Variants in ASB5 observed in about 807,000 individuals in gnomAD.
ASB5 encodes the protein ankyrin repeat and SOCS box containing 5.
In ASB5, 45 loss-of-function variants were observed where a neutral mutation model predicts 42.1. The ratio of observed to expected loss-of-function variants is 1.07; its 90% CI spans 0.84 to 1.37. ASB5 has a LOEUF of 1.37. Among genes scored for constraint, ASB5 ranks in the 40% most tolerant of loss-of-function variants. ASB5 has a pLI of 0.00. For synonymous variants in ASB5, 147 were observed against 150.6 expected, an observed-to-expected ratio of 0.98 and a Z score of 0.18; for missense variants, 402 against 399.8, an observed-to-expected ratio of 1.01 and a Z score of -0.05.
chr4:176,237,444 A>G, intron 1 of ASB5: 4 of 985,910 alleles, frequency 4.1e-6, no homozygotes, highest in South Asian at 9.4e-5. Flanking sequence ...TTTGTCTGTG[A>G]CAACCAGGTG....
In ASB5 at chr4:176,214,813, T is replaced by C. The variant is rs1174523931; in HGVS notation, c.*787A>G. 1 of 152,088 alleles carries C rather than the reference T, an allele frequency of 6.6e-6. No homozygotes were observed. The highest frequency in any genetic ancestry group is 1.5e-5 in the Non-Finnish European group (1 of 68,016). The allele number at this position is 152,088 out of a possible 1,614,324, so 9.4% of individuals were successfully genotyped here. A position where few individuals can be genotyped will look rare whatever the true frequency, so the allele number is the denominator to read the frequency against. ...CACTAGCTATTGACAATTTCTGAAATGGAAGAAGGCTGGAGTAATATGCAT... is the reference window on the plus strand; with the variant it reads ...CACTAGCTATTGACAATTTCTGAAACGGAAGAAGGCTGGAGTAATATGCAT... On this transcript the variant is annotated 3_prime_UTR_variant, in exon 7 of 7. Coordinates refer to ENST00000296525, the MANE Select transcript of ASB5 (RefSeq NM_080874.4).
chr4:176,219,446 G>T, intron 5 of ASB5, among the ~76,000 whole-genome samples: 1 of 67,444 alleles, frequency 1.5e-5, no homozygotes, highest in African/African-American at 5.3e-5. Flanking sequence ...ATATATATTT[G>T]TATGATATAT....
chr4:176,216,738 C>T (rs905865375), intron 6 of ASB5, 80 bp downstream of exon 6: 3 of 1,207,394 alleles, frequency 2.5e-6, no homozygotes, highest in African/African-American at 1.5e-5. Flanking sequence ...ACTTTCCATG[C>T]CAACAAAAAC....
In ASB5 at chr4:176,225,250, G is replaced by A. The variant is rs1256173446; in HGVS notation, c.276+12C>T. The A allele has an allele frequency of 1.3e-6, 2 of 1,599,552 alleles. No individual in the cohort carries two copies. The highest frequency in any genetic ancestry group is 3.3e-5 in the Admixed American group (2 of 59,952). On this transcript the variant is annotated intron_variant, in intron 2 of 6. Transcript: ENST00000296525. ...AAAGGGGGTATATTTTAAACTATAT[G>A]TAATATATTACCTGTGATAATAATG... is the stretch of plus-strand genomic sequence containing the variant.
intron 1 of ASB5, among the ~76,000 whole-genome samples, chr4:176,244,163 TC>T (rs1560814645): frequency 6.6e-6 from 1 of 152,202 alleles, no homozygotes; most frequent in Non-Finnish European, 1.5e-5. Flanking sequence ...TCGCTTCTAC[TC>T]TGAATGGTAT....
upstream of ASB5, among the ~76,000 whole-genome samples, chr4:176,272,032 T>A (rs1754478329): frequency 6.6e-6 from 1 of 152,076 alleles, no homozygotes. Flanking sequence ...ATCAGGAACC[T>A]AAATTACTCC....
chr4:176,255,204 A>C (rs1210786175), intron 1 of ASB5, among the ~76,000 whole-genome samples: 1 of 152,218 alleles, frequency 6.6e-6, no homozygotes, highest in African/African-American at 2.4e-5. Flanking sequence ...TGTTATTAAA[A>C]AGAAAAAACA....
chr4:176,262,070 C>T (rs1754276551), intron 1 of ASB5, among the ~76,000 whole-genome samples: 1 of 151,836 alleles, frequency 6.6e-6, no homozygotes, highest in Admixed American at 6.6e-5. Context: ...AAAGCTATAG[C>T]AGTTATGGCA....
intron 5 of ASB5, 80 bp downstream of exon 5, chr4:176,221,075 T>G (rs1037413912): frequency 3.5e-6 from 5 of 1,425,208 alleles, no homozygotes; most frequent in Middle Eastern, 1.8e-4. Flanking sequence ...TGAGATCTAA[T>G]TTTTAAAGAT....
intron 2 of ASB5, among the ~76,000 whole-genome samples, chr4:176,224,625 C>T (rs1270225337): frequency 1.3e-5 from 2 of 152,032 alleles, no homozygotes; most frequent in African/African-American, 4.8e-5. Context: ...CACCTGCCTC[C>T]GCCTCCCAAA....
At chr4:176,223,317 A>G (rs1753277626) in intron 2 of ASB5, among the ~76,000 whole-genome samples, 1 of 152,210 alleles carries the variant, frequency 6.6e-6, no homozygotes, top group African/African-American at 2.4e-5. Flanking sequence ...GATTATCATG[A>G]CAATTAAATG....
intron 1 of ASB5, among the ~76,000 whole-genome samples, chr4:176,259,790 A>G (rs1754223159): frequency 1.3e-5 from 2 of 152,194 alleles, no homozygotes; most frequent in South Asian, 4.1e-4. Flanking sequence ...TTGGTGTTAA[A>G]TTTCAGTTTG....
Position 176,268,953 on chromosome 4 carries a change from T to C in ASB5, c.156A>G (p.Ala52=), listed in dbSNP as rs1560823393. Reference sequence around the variant, plus strand: ...CTCCATAAAATTCAGCTGCTATCCTTGCCGCTTCCTTGCGGTTGCCTTTCA... The same window carrying C: ...CTCCATAAAATTCAGCTGCTATCCTCGCCGCTTCCTTGCGGTTGCCTTTCA... The part of the protein sequence containing the change: ...YIVKGNRKEA[A]RIAAEFYGVT... Residue 52 remains alanine, a synonymous_variant, in exon 1 of 7, where the codon GCA becomes GCG. Coordinates refer to ENST00000296525, the MANE Select transcript of ASB5 (RefSeq NM_080874.4). The C allele has an allele frequency of 1.2e-6, 2 of 1,612,996 alleles. No homozygotes were observed. Among genetic ancestry groups the C allele is most frequent in the Non-Finnish European group, 1.7e-6 (2 of 1,179,542 alleles).
chr4:176,220,668 G>T (rs1181887267), intron 5 of ASB5, among the ~76,000 whole-genome samples: 1 of 152,192 alleles, frequency 6.6e-6, no homozygotes, highest in African/African-American at 2.4e-5. Context: ...GAAAAGGGCA[G>T]TAAGTCTTTT....
At position 176,229,665 on chromosome 4, in the gene ASB5, G is replaced by A. The variant is rs758402174; in HGVS notation, c.197-4324C>T. On this transcript the variant is annotated intron_variant, in intron 1 of 6. Coordinates refer to ENST00000296525, the MANE Select transcript of ASB5 (RefSeq NM_080874.4). ...TATCATCCAAACTTAAGTCCATCAA[G>A]ATGGGGACAGGAAAAAAAAAAACTG... 6.6e-4 allele frequency among the ~76,000 whole-genome samples: 61 copies of A among 93,084 alleles called. 2 individuals are homozygous for A. Among genetic ancestry groups the A allele is most frequent in the Non-Finnish European group, 1.3e-4 (6 of 45,946 alleles). 61.1% of individuals were successfully genotyped at this position (93,084 alleles called of 152,430 possible). A position where few individuals can be genotyped will look rare whatever the true frequency, so the allele number is the denominator to read the frequency against.
chr4:176,263,500 G>GA (rs1004655988), intron 1 of ASB5, among the ~76,000 whole-genome samples: 8 of 150,002 alleles, frequency 5.3e-5, no homozygotes, highest in Admixed American at 2.0e-4. Flanking sequence ...AAACCTCCTT[G>GA]AAAAAAAAAT....
chr4:176,242,603 C>G (rs1000992961), intron 1 of ASB5, among the ~76,000 whole-genome samples: 1 of 152,138 alleles, frequency 6.6e-6, no homozygotes, highest in African/African-American at 2.4e-5. Context: ...GTCTCTTCCT[C>G]AATCCAGCTG....
chr4:176,240,914 T>G (rs1168079165), intron 1 of ASB5, among the ~76,000 whole-genome samples: 1 of 152,204 alleles, frequency 6.6e-6, no homozygotes, highest in Non-Finnish European at 1.5e-5. Flanking sequence ...TACTTGGATC[T>G]GGGTTGGCAG....
chr4:176,215,289 A>G lies in ASB5; in HGVS notation c.*311T>C, dbSNP rs1169522342. On this transcript the variant is annotated 3_prime_UTR_variant, in exon 7 of 7. Coordinates refer to ENST00000296525, the MANE Select transcript of ASB5 (RefSeq NM_080874.4). ...TAAATATAATATGAATAACTTTACT[A>G]GGAGCTTTATTTCTTTCCAATCCAA... 1 of 177,998 alleles carries G rather than the reference A, an allele frequency of 5.6e-6. No individual in the cohort carries two copies. Among genetic ancestry groups the G allele is most frequent in the African/African-American group, 2.4e-5 (1 of 42,380 alleles). The allele number at this position is 177,998 out of a possible 1,614,324, so 11.0% of individuals were successfully genotyped here.
Sources: allele counts gnomAD v4.1 joint callset (sites outside exome capture counted in the v4.1 genomes callset), GRCh38; gene constraint gnomAD v4.1.1; transcripts MANE v1.5; gene names NCBI Gene and HGNC (gene_info 2026-07-23, HGNC 2026-07-21).